The following ILDR2 variants were observed in gnomAD, a reference collection of about 807,000 sequenced individuals.
ILDR2 encodes the protein immunoglobulin like domain containing receptor 2, also known as immunoglobulin-like domain-containing receptor 2.
In ILDR2, 25 loss-of-function variants were observed where a neutral mutation model predicts 66.8. That is an observed-to-expected ratio of 0.37 (90% CI 0.27 to 0.52). The LOEUF (loss-of-function observed/expected upper bound fraction) is 0.52, where lower values mean the gene tolerates loss of function less well. ILDR2 is among the 20% of genes least tolerant of loss of function. The pLI, the probability that ILDR2 is intolerant of heterozygous loss-of-function variation, is 0.88. For synonymous variants in ILDR2, 367 were observed against 357.2 expected, an observed-to-expected ratio of 1.03 and a Z score of -0.31; for missense variants, 827 against 876.8, an observed-to-expected ratio of 0.94 and a Z score of 0.72.
chr1:166,927,019 C>T (rs1374548614), intron 7 of ILDR2, 48 bp downstream of exon 7: 5 of 1,380,842 alleles, frequency 3.6e-6, no homozygotes, highest in Admixed American at 1.9e-5. Context: ...CCTTTACACA[C>T]TAACTCCTGC....
chr1:166,918,911 G>A lies in ILDR2; in HGVS notation c.*444C>T, dbSNP rs1659743001. 4.2e-6 allele frequency: 1 copy of A among 237,422 alleles called. No individual in the cohort carries two copies. The highest frequency in any genetic ancestry group is 2.2e-5 in the African/African-American group (1 of 44,740). The allele number at this position is 237,422 out of a possible 1,614,324, so 14.7% of individuals were successfully genotyped here. On this transcript the variant is annotated 3_prime_UTR_variant, in exon 10 of 10. Coordinates refer to ENST00000271417, the MANE Select transcript of ILDR2 (RefSeq NM_199351.3). ...GACTTGAAGCTATCTTCCCTTGTCAGAAGAAGGCCTTCTAATAGTAGTAAT... is the reference window on the plus strand; with the variant it reads ...GACTTGAAGCTATCTTCCCTTGTCAAAAGAAGGCCTTCTAATAGTAGTAAT...
chr1:166,971,792 G>A (rs1337521071), intron 1 of ILDR2, among the ~76,000 whole-genome samples: 1 of 152,156 alleles, frequency 6.6e-6, no homozygotes, highest in African/African-American at 2.4e-5. Context: ...TGACTAGACT[G>A]ACAACGCTTT....
At chr1:166,897,322 G>T (rs963947641) in intron 2 of ILDR2, among the ~76,000 whole-genome samples, 2 of 152,126 alleles carry the variant, frequency 1.3e-5, no homozygotes, top group Non-Finnish European at 2.9e-5. Context: ...AAATAATTTT[G>T]CTGGTCTTTA....
rs1464250865 is a variant in ILDR2, at chr1:166,917,741, T to C, written c.*1614A>G. The C allele has an allele frequency of 6.6e-6, 1 of 152,224 alleles. No individual in the cohort carries two copies. The highest frequency in any genetic ancestry group is 1.5e-5 in the Non-Finnish European group (1 of 68,064). 9.4% of individuals were successfully genotyped at this position (152,224 alleles called of 1,614,324 possible). On this transcript the variant is annotated 3_prime_UTR_variant, in exon 10 of 10. Transcript: ENST00000271417. ...CACGCCTCGAGTAGGAATCAGAAAT[T>C]TGGGCTGGGTTCAGCTAGGCAGTTC...
chr1:166,899,920 C>T (rs1371126515), intron 2 of ILDR2, among the ~76,000 whole-genome samples: 1 of 152,196 alleles, frequency 6.6e-6, no homozygotes, highest in African/African-American at 2.4e-5. Context: ...ATTGGCTCTA[C>T]TCCCTTGATA....
At position 166,927,168 on chromosome 1, in the gene ILDR2, T is replaced by G. The variant is rs759486295; in HGVS notation, c.893A>C (p.Tyr298Ser). ...TCTCTCTTTGTCAGCCTGGATCCGG[T>G]AACCTTTGCGAACTGTTGAGAAAAG... ...TGGSHSVRKGYRIQADKERDS... is the reference protein window; with the variant it reads ...TGGSHSVRKGSRIQADKERDS... The change falls in exon 7 of 10, where the codon TAC (tyrosine) becomes TCC (serine). Residue 298 changes from tyrosine (Y) to serine (S), a missense_variant. Transcript: ENST00000271417. The G allele has an allele frequency of 1.2e-6, 2 of 1,612,904 alleles. No individual in the cohort carries two copies. The highest frequency in any genetic ancestry group is 1.7e-5 in the Admixed American group (1 of 59,932).
intron 1 of ILDR2, among the ~76,000 whole-genome samples, chr1:166,969,992 T>C (rs1369411547): frequency 1.3e-5 from 2 of 152,058 alleles, no homozygotes; most frequent in Non-Finnish European, 2.9e-5. Context: ...ATTTAACACA[T>C]AGAAAAGCAT....
At chr1:166,960,578 G>A (rs946942552) in intron 1 of ILDR2, among the ~76,000 whole-genome samples, 5 of 152,148 alleles carry the variant, frequency 3.3e-5, no homozygotes, top group East Asian at 1.9e-4. Flanking sequence ...CACTGTGACC[G>A]GTAAAGAGTA....
At chr1:166,967,592 AC>A (rs1167014553) in intron 1 of ILDR2, among the ~76,000 whole-genome samples, 1 of 152,134 alleles carries the variant, frequency 6.6e-6, no homozygotes, top group Non-Finnish European at 1.5e-5. Context: ...CCCTGTCTCT[AC>A]TAAAAATACA....
intron 1 of ILDR2, among the ~76,000 whole-genome samples, chr1:166,962,052 T>C (rs181044310): frequency 1.3e-5 from 2 of 152,300 alleles, no homozygotes; most frequent in African/African-American, 4.8e-5. Flanking sequence ...TGTGAGTTTA[T>C]TGGATCTTTG....
At chr1:166,944,142 G>A (rs1661480436) in intron 3 of ILDR2, among the ~76,000 whole-genome samples, 1 of 152,164 alleles carries the variant, frequency 6.6e-6, no homozygotes, top group Non-Finnish European at 1.5e-5. Flanking sequence ...GTAGAAATAT[G>A]CATTGTGAAT....
Position 166,909,760 on chromosome 1 carries a change from A to T in ILDR2, c.*9595T>A, listed in dbSNP as rs59449222. ...ACATATATATATATATATATATATAAATATATATAAATATATATATTTATA... is the reference window on the plus strand; with the variant it reads ...ACATATATATATATATATATATATATATATATATAAATATATATATTTATA... On this transcript the variant is annotated 3_prime_UTR_variant, in exon 10 of 10. Coordinates refer to ENST00000271417, the MANE Select transcript of ILDR2 (RefSeq NM_199351.3). The T allele has an allele frequency of 6.1e-3, 382 of 62,622 alleles. 2 individuals carry two copies. Among genetic ancestry groups the T allele is most frequent in the South Asian group, 0.059 (90 of 1,530 alleles). The allele number at this position is 62,622 out of a possible 1,614,324, so 3.9% of individuals were successfully genotyped here. A position where few individuals can be genotyped will look rare whatever the true frequency, so the allele number is the denominator to read the frequency against.
At position 166,912,498 on chromosome 1, in the gene ILDR2, T is replaced by C. The variant is rs960118822; in HGVS notation, c.*6857A>G. On this transcript the variant is annotated 3_prime_UTR_variant, in exon 10 of 10. Coordinates refer to ENST00000271417, the MANE Select transcript of ILDR2 (RefSeq NM_199351.3). ...ATTTTATAAAGCTGAAAAACCTAAA[T>C]GGAATTAAAACACAAAATAATACAA... The C allele has an allele frequency of 2.0e-5, 3 of 152,126 alleles. No individual in the cohort carries two copies. The highest frequency in any genetic ancestry group is 6.5e-5 in the Admixed American group (1 of 15,270). 9.4% of individuals were successfully genotyped at this position (152,126 alleles called of 1,614,324 possible). A position where few individuals can be genotyped will look rare whatever the true frequency, so the allele number is the denominator to read the frequency against.
rs770559349 is a variant in ILDR2, at chr1:166,935,512, T to C, written c.704-35A>G. 2.2e-5 allele frequency: 33 copies of C among 1,519,434 alleles called. No homozygotes were observed. The East Asian group carries it at 5.0e-4, about 23-fold the overall frequency. The allele number at this position is 1,519,434 out of a possible 1,614,324, so 94.1% of individuals were successfully genotyped here. ...GAGATCAAGAGCAAGAGAGATTACGTCGTCCCACCCTCCACAACCCTCACA... is the reference window on the plus strand; with the variant it reads ...GAGATCAAGAGCAAGAGAGATTACGCCGTCCCACCCTCCACAACCCTCACA... On this transcript the variant is annotated intron_variant, in intron 5 of 9. Transcript: ENST00000271417.
chr1:166,896,379 G>A, intron 2 of ILDR2, among the ~76,000 whole-genome samples: 1 of 152,144 alleles, frequency 6.6e-6, no homozygotes, highest in East Asian at 1.9e-4. Flanking sequence ...GTCAGCATGT[G>A]AAGGAGTTGG....
Position 166,919,063 on chromosome 1 carries a change from G to A in ILDR2, c.*292C>T. 1 of 471,064 alleles carries A rather than the reference G, an allele frequency of 2.1e-6. No homozygotes were observed. Among genetic ancestry groups the A allele is most frequent in the Non-Finnish European group, 3.7e-6 (1 of 266,796 alleles). 29.2% of individuals were successfully genotyped at this position (471,064 alleles called of 1,614,324 possible). A position where few individuals can be genotyped will look rare whatever the true frequency, so the allele number is the denominator to read the frequency against. ...GAATTGCAAATGGAGTCCTGGTTCT[G>A]TTAAGGGAGGAGGCTGGGCAGGATA... On this transcript the variant is annotated 3_prime_UTR_variant, in exon 10 of 10. Coordinates refer to ENST00000271417, the MANE Select transcript of ILDR2 (RefSeq NM_199351.3).
intron 1 of ILDR2, among the ~76,000 whole-genome samples, chr1:166,961,072 T>C (rs1307659683): frequency 6.6e-6 from 1 of 152,178 alleles, no homozygotes; most frequent in African/African-American, 2.4e-5. Context: ...TGGCACTGCT[T>C]GGGAAATCAC....
chr1:166,904,406 A>G (rs978626600), downstream of ILDR2, among the ~76,000 whole-genome samples: 2 of 152,296 alleles, frequency 1.3e-5, no homozygotes, highest in Middle Eastern at 3.4e-3. Context: ...CTTGCACTGT[A>G]TCAATTGACA....
rs910014578 is a variant in ILDR2 at position 166,929,300 on chromosome 1, C to T, written c.881-2120G>A. On this transcript the variant is annotated intron_variant, in intron 6 of 9. Transcript: ENST00000271417. The stretch of plus-strand genomic sequence containing the variant: ...AGGAGCTGCTCAAATGCTGCCTCAG[C>T]CAAAGGGCTTTCTTTGATTCTCATA... Among the ~76,000 whole-genome samples the T allele has an allele frequency of 5.3e-5, 8 of 152,188 alleles. 1 individual carries two copies. In the South Asian group the frequency reaches 1.5e-3, roughly 28 times the overall value.
Sources: gnomAD v4.1 joint callset for allele counts (sites outside exome capture counted in the v4.1 genomes callset) on GRCh38, gnomAD v4.1.1 for gene constraint, MANE v1.5 for transcripts, NCBI Gene and HGNC (gene_info 2026-07-23, HGNC 2026-07-21) for gene names.